KIF5C: variants seen among roughly 807,000 people sequenced by gnomAD.
The protein encoded by KIF5C is kinesin heavy chain isoform 5C.
KIF5C carries 18 observed loss-of-function variants against 125.2 expected under a neutral mutation model. The observed-to-expected ratio is 0.14, with a 90% CI of 0.10 to 0.21. KIF5C has a LOEUF of 0.21. Ranked by LOEUF, KIF5C falls within the 10% of genes least tolerant of loss-of-function variation. The pLI, the probability that KIF5C is intolerant of heterozygous loss-of-function variation, is 1.00. For synonymous variants in KIF5C, 405 were observed against 434.0 expected (o/e 0.93, Z 0.83); for missense variants, 780 against 1,183.8 (o/e 0.66, Z 5.01).
intron 15 of KIF5C, among the ~76,000 whole-genome samples, chr2:148,989,992 C>G (rs952343730): frequency 2.0e-5 from 3 of 152,172 alleles, no homozygotes; most frequent in South Asian, 2.1e-4. Context: ...CATCAAAAAA[C>G]CACGGTTGGA....
At chr2:148,950,610 A>G (rs1682634670) in intron 10 of KIF5C, 148 bp downstream of exon 10, 1 of 1,213,758 alleles carries the variant, frequency 8.2e-7, no homozygotes, top group Admixed American at 2.9e-5. Flanking sequence ...GGAGTTTGAG[A>G]CCAGCCTGGC....
At chr2:148,962,476 G>A (rs1459774935) in intron 11 of KIF5C, among the ~76,000 whole-genome samples, 1 of 151,972 alleles carries the variant, frequency 6.6e-6, no homozygotes, top group Non-Finnish European at 1.5e-5. Context: ...ACCGTGCCTG[G>A]CCGTGTGTGT....
intron 14 of KIF5C, among the ~76,000 whole-genome samples, chr2:148,981,987 A>G (rs1391032622): frequency 2.0e-5 from 3 of 152,218 alleles, no homozygotes; most frequent in African/African-American, 4.8e-5. Context: ...GTGACAGTTT[A>G]TGTAAAGCAC....
At chr2:148,988,357 T>G (rs973276034) in intron 15 of KIF5C, among the ~76,000 whole-genome samples, 1 of 152,172 alleles carries the variant, frequency 6.6e-6, no homozygotes, top group Admixed American at 6.5e-5. Context: ...AAGTTATAGC[T>G]CTGGTTTGGG....
At chr2:148,894,594 G>C (rs916685376) in intron 1 of KIF5C, among the ~76,000 whole-genome samples, 2 of 151,888 alleles carry the variant, frequency 1.3e-5, no homozygotes, top group Non-Finnish European at 2.9e-5. Context: ...TTATAACCAG[G>C]CTATAACCAG....
intron 10 of KIF5C, among the ~76,000 whole-genome samples, chr2:148,960,789 T>C (rs1029570203): frequency 9.2e-5 from 14 of 152,268 alleles, no homozygotes; most frequent in Admixed American, 4.6e-4. Context: ...AATCAGATTG[T>C]GCTGGCAAAT....
intron 4 of KIF5C, among the ~76,000 whole-genome samples, chr2:148,939,095 A>T (rs1574769264): frequency 7.4e-5 from 3 of 40,498 alleles, no homozygotes; most frequent in East Asian, 6.7e-4. Flanking sequence ...ATTCTGTCTT[A>T]AAAAAAAAAA....
chr2:148,973,437 G>T lies in KIF5C; in HGVS notation c.1219G>T (p.Ala407Ser). 3 of 1,613,712 alleles carry T rather than the reference G, an allele frequency of 1.9e-6. No homozygotes were observed. In the South Asian group the frequency reaches 3.3e-5, roughly 18 times the overall value. The change falls in exon 12 of 26, where the codon GCT becomes TCT. Residue 407 changes from alanine (A) to serine (S), a missense_variant. This residue lies in a region of KIF5C where 573 missense variants were observed against 742.6 expected (regional missense o/e 0.77). Transcript: ENST00000435030. ...PIIDNIAPVV[A>S]GISTEEKEKY... ...CATAGACAATATTGCTCCTGTTGTT[G>T]CTGGCATCTCTACAGAGGAGAAAGA... is the stretch of plus-strand genomic sequence containing the variant.
intron 13 of KIF5C, among the ~76,000 whole-genome samples, chr2:148,979,510 G>T (rs974593295): frequency 2.0e-5 from 3 of 152,112 alleles, no homozygotes; most frequent in African/African-American, 7.2e-5. Flanking sequence ...CCGGCCTCTG[G>T]CTTGGCTCCT....
At chr2:148,998,215 T>C in intron 18 of KIF5C, 185 bp from the exon 19 acceptor site, 1 of 941,720 alleles carries the variant, frequency 1.1e-6, no homozygotes, top group Non-Finnish European at 1.6e-6. Context: ...TAACAGATCT[T>C]GGGTTTTGTT....
intron 3 of KIF5C, among the ~76,000 whole-genome samples, chr2:148,930,855 C>G (rs551995339): frequency 7.2e-4 from 109 of 152,192 alleles, no homozygotes; most frequent in Non-Finnish European, 1.1e-3. Context: ...CTCCTCCTCT[C>G]ACACTCTACT....
intron 11 of KIF5C, among the ~76,000 whole-genome samples, chr2:148,972,599 C>T (rs1284152546): frequency 6.6e-6 from 1 of 152,234 alleles, no homozygotes; most frequent in Non-Finnish European, 1.5e-5. Context: ...AAGGCCCCAA[C>T]AAATGCTACT....
chr2:148,883,887 T>C (rs1379997220), intron 1 of KIF5C: 2 of 152,180 alleles, frequency 1.3e-5, no homozygotes, highest in Non-Finnish European at 1.5e-5. Flanking sequence ...AATACATTCC[T>C]AGAATTGAGA....
intron 23 of KIF5C, 121 bp downstream of exon 23, chr2:149,008,188 A>G: frequency 1.6e-6 from 2 of 1,249,228 alleles, no homozygotes; most frequent in Non-Finnish European, 2.1e-6. Flanking sequence ...ACTGTACACT[A>G]TCAGAGGACA....
At chr2:148,889,593 C>T (rs974001404) in intron 1 of KIF5C, among the ~76,000 whole-genome samples, 1 of 152,194 alleles carries the variant, frequency 6.6e-6, no homozygotes, top group Non-Finnish European at 1.5e-5. Flanking sequence ...ATTGGATGAA[C>T]TTCAGACCTT....
Position 148,983,661 on chromosome 2 carries a change from A to C in KIF5C, c.1611A>C (p.Gln537His), listed in dbSNP as rs1433098321. The stretch of plus-strand genomic sequence containing the variant: ...CACAGAGAGAGCTGAGCCAGCTACA[A>C]GAGCTTAGCAACCACCAGAAGAAAA... ...TTTQRELSQL[Q>H]ELSNHQKKRA... The change falls in exon 15 of 26, where the codon CAA becomes CAC. Residue 537 changes from glutamine to histidine, a missense_variant. Coordinates refer to ENST00000435030, the MANE Select transcript of KIF5C (RefSeq NM_004522.3). 2.5e-6 allele frequency: 4 copies of C among 1,608,472 alleles called. No individual in the cohort carries two copies. Among genetic ancestry groups the C allele is most frequent in the Non-Finnish European group, 3.4e-6 (4 of 1,176,290 alleles).
At position 148,894,804 on chromosome 2, in the gene KIF5C, CT is replaced by C. The variant is rs142738372; in HGVS notation, c.126+19064del. 8.6e-3 allele frequency among the ~76,000 whole-genome samples: 1,289 copies of C among 150,294 alleles called. 19 individuals are homozygous for C. Among genetic ancestry groups the C allele is most frequent in the African/African-American group, 0.03 (1,219 of 41,022 alleles). ...CTTTTTACTTTTTTTCTTTAATTTT[CT>C]TTCATTTTTATTCCAAATATTATAT... On this transcript the variant is annotated intron_variant, in intron 1 of 25. Transcript: ENST00000435030.
chr2:149,001,104 C>T lies in KIF5C; in HGVS notation c.2373+322C>T, dbSNP rs188537365. Among the ~76,000 whole-genome samples, 224 of 152,326 alleles carry T rather than the reference C, an allele frequency of 1.5e-3. 2 individuals carry two copies. The highest frequency in any genetic ancestry group is 3.7e-3 in the African/African-American group (154 of 41,558). ...CAGATATTTATTGAGCATCTCCTAA[C>T]GGCTGGCATTCTTCAAGGTGCTTGA... On this transcript the variant is annotated intron_variant, in intron 21 of 25. Transcript: ENST00000435030.
At chr2:148,961,247 A>T (rs561817667) in intron 10 of KIF5C, among the ~76,000 whole-genome samples, 9 of 152,058 alleles carry the variant, frequency 5.9e-5, no homozygotes, top group Non-Finnish European at 1.3e-4. Context: ...AAATAGGATG[A>T]TCTGAATACT....
Sources: allele counts gnomAD v4.1 joint callset (sites outside exome capture counted in the v4.1 genomes callset), GRCh38; gene constraint gnomAD v4.1.1; regional missense constraint gnomAD v4.1.1; transcripts MANE v1.5; gene names NCBI Gene and HGNC (gene_info 2026-07-23, HGNC 2026-07-21).